Variants in THSD7B observed in about 807,000 individuals in gnomAD.
THSD7B encodes the protein thrombospondin type-1 domain-containing protein 7B.
In THSD7B, 138 loss-of-function variants were observed where a neutral mutation model predicts 213.6. That is an observed-to-expected ratio of 0.65 (90% confidence interval 0.56 to 0.74). THSD7B has a LOEUF of 0.74. Ranked by LOEUF, THSD7B falls within the 30% of genes least tolerant of loss-of-function variation. THSD7B has a pLI of 0.00. For missense variants in THSD7B, 1,931 were observed against 1,991.5 expected (o/e 0.97, Z 0.58); for synonymous variants, 742 against 687.0 (o/e 1.08, Z -1.25).
At chr2:136,990,178 A>G (rs1160593776) in intron 2 of THSD7B, among the ~76,000 whole-genome samples, 1 of 152,230 alleles carries the variant, frequency 6.6e-6, no homozygotes, top group Non-Finnish European at 1.5e-5. Context: ...CATGTAGTTA[A>G]CGGCGGAGCC....
intron 24 of THSD7B, 78 bp from the exon 25 acceptor site, chr2:137,659,586 C>A: frequency 7.5e-7 from 1 of 1,339,728 alleles, no homozygotes; most frequent in Non-Finnish European, 1.0e-6. Flanking sequence ...GCCGGTGGCA[C>A]AGGTTAAAAA....
intron 17 of THSD7B, among the ~76,000 whole-genome samples, chr2:137,584,293 A>T (rs1215940426): frequency 6.6e-6 from 1 of 152,212 alleles, no homozygotes; most frequent in Non-Finnish European, 1.5e-5. Flanking sequence ...AACAGGGACA[A>T]TTTGACTTCC....
At chr2:137,089,278 A>ATATATACATATATATGTGTGTGTATG (rs1558916485) in intron 3 of THSD7B, among the ~76,000 whole-genome samples, 2,757 of 147,058 alleles carry the variant, frequency 0.019, 87 homozygotes, top group African/African-American at 0.055. Context: ...GTGTGTGTAT[A>ATATATACATATATATGTGTGTGTATG]TGTATATATA....
intron 17 of THSD7B, among the ~76,000 whole-genome samples, chr2:137,578,017 T>C (rs1681498963): frequency 6.6e-6 from 1 of 152,172 alleles, no homozygotes; most frequent in African/African-American, 2.4e-5. Flanking sequence ...AACAATGTTA[T>C]AAAGGGCAAA....
intron 7 of THSD7B, among the ~76,000 whole-genome samples, chr2:137,174,456 C>A (rs556286193): frequency 2.0e-5 from 3 of 152,232 alleles, no homozygotes; most frequent in African/African-American, 7.2e-5. Flanking sequence ...ATGGAAATAG[C>A]AATTTCTGAT....
At chr2:137,422,690 A>C (rs1478286659) in intron 14 of THSD7B, among the ~76,000 whole-genome samples, 2 of 152,204 alleles carry the variant, frequency 1.3e-5, no homozygotes, top group Non-Finnish European at 2.9e-5. Context: ...TGTATTAGGG[A>C]CTTCTAAATT....
chr2:137,631,867 T>C (rs1325409990), intron 20 of THSD7B, among the ~76,000 whole-genome samples: 2 of 152,200 alleles, frequency 1.3e-5, no homozygotes, highest in African/African-American at 4.8e-5. Flanking sequence ...TGCAGAACTC[T>C]CTTGCACTGT....
intron 15 of THSD7B, among the ~76,000 whole-genome samples, chr2:137,551,889 A>G (rs958450408): frequency 3.3e-5 from 5 of 152,214 alleles, no homozygotes; most frequent in Non-Finnish European, 5.9e-5. Context: ...ATGGACAGTT[A>G]TCAAGAGGGG....
intron 2 of THSD7B, among the ~76,000 whole-genome samples, chr2:137,000,238 C>T (rs1685976188): frequency 6.6e-6 from 1 of 152,060 alleles, no homozygotes; most frequent in Non-Finnish European, 1.5e-5. Context: ...CATTTTTCCC[C>T]TAGGTTGAGG....
intron 27 of THSD7B, among the ~76,000 whole-genome samples, chr2:137,673,007 A>AGTT (rs1683611566): frequency 1.3e-5 from 2 of 152,222 alleles, no homozygotes; most frequent in Admixed American, 6.5e-5. Context: ...GGCCCAGCAC[A>AGTT]GTTCTGTAAT....
intron 12 of THSD7B, among the ~76,000 whole-genome samples, chr2:137,329,353 C>G (rs1217181143): frequency 2.0e-5 from 3 of 152,106 alleles, no homozygotes. Context: ...TTTAGGGTAT[C>G]TGGTAGAAGA....
At chr2:137,514,482 A>G (rs1009862723) in intron 15 of THSD7B, among the ~76,000 whole-genome samples, 5 of 152,134 alleles carry the variant, frequency 3.3e-5, no homozygotes, top group African/African-American at 9.7e-5. Flanking sequence ...CAGATGGCCT[A>G]TTGCGGGACC....
intron 4 of THSD7B, among the ~76,000 whole-genome samples, chr2:137,101,158 C>T (rs1688142694): frequency 6.6e-6 from 1 of 152,164 alleles, no homozygotes; most frequent in African/African-American, 2.4e-5. Flanking sequence ...CCACCTCAGC[C>T]TCCCAAGTAG....
intron 2 of THSD7B, among the ~76,000 whole-genome samples, chr2:136,934,481 C>T (rs886165404): frequency 6.6e-6 from 1 of 152,108 alleles, no homozygotes; most frequent in Non-Finnish European, 1.5e-5. Context: ...TTGTTTTACA[C>T]TTAAACATGG....
chr2:137,636,558 G>GA (rs891194383), intron 20 of THSD7B, among the ~76,000 whole-genome samples: 4 of 152,010 alleles, frequency 2.6e-5, no homozygotes, highest in African/African-American at 9.7e-5. Context: ...TTTAGTTTCA[G>GA]AAAAAAGTCT....
chr2:137,471,323 A>C (rs1474582122), intron 15 of THSD7B, among the ~76,000 whole-genome samples: 2 of 152,266 alleles, frequency 1.3e-5, no homozygotes, highest in East Asian at 3.9e-4. Flanking sequence ...TCATATGTTT[A>C]AATTGTTAAG....
intron 1 of THSD7B, among the ~76,000 whole-genome samples, chr2:136,873,368 C>T (rs1409027603): frequency 6.6e-6 from 1 of 152,142 alleles, no homozygotes; most frequent in African/African-American, 2.4e-5. Context: ...GAGTGTCATG[C>T]TGAGGTCTGC....
chr2:137,180,171 A>C (rs993546154), intron 7 of THSD7B, among the ~76,000 whole-genome samples: 9 of 152,170 alleles, frequency 5.9e-5, no homozygotes, highest in Non-Finnish European at 1.3e-4. Context: ...CTTCAGGATA[A>C]AGGCATTACT....
chr2:137,227,177 C>T (rs6716928), intron 7 of THSD7B, among the ~76,000 whole-genome samples: 67,634 of 151,966 alleles, frequency 0.45, 15,319 homozygotes, highest in African/African-American at 0.53. Flanking sequence ...ATGTTTACTT[C>T]AAAACAGTTA....
Sources: gnomAD v4.1 joint callset for allele counts (sites outside exome capture counted in the v4.1 genomes callset) on GRCh38, gnomAD v4.1.1 for gene constraint, MANE v1.5 for transcripts, NCBI Gene and HGNC (gene_info 2026-07-23, HGNC 2026-07-21) for gene names.